LSP1: variants seen among roughly 807,000 people sequenced by gnomAD.
LSP1 encodes lymphocyte specific protein 1.
Under a neutral mutation model 49.3 loss-of-function variants are expected in LSP1, and 32 were observed. The observed-to-expected ratio is 0.65, with a 90% CI of 0.49 to 0.87. The LOEUF is 0.87. Ranked by LOEUF, LSP1 falls within the 40% of genes least tolerant of loss-of-function variation. LSP1 has a pLI of 0.00. For missense variants in LSP1, 428 were observed against 442.6 expected (o/e 0.97, Z 0.30); for synonymous variants, 179 against 178.8 (o/e 1.00, Z -0.01).
intron 1 of LSP1, among the ~76,000 whole-genome samples, chr11:1,855,671 C>T (rs1285474474): frequency 6.6e-6 from 1 of 152,246 alleles, no homozygotes; most frequent in Non-Finnish European, 1.5e-5. Context: ...ACCAGCCAGG[C>T]TGGACTGCGG....
intron 1 of LSP1, among the ~76,000 whole-genome samples, chr11:1,877,776 G>A (rs1249527146): frequency 6.6e-6 from 1 of 152,218 alleles, no homozygotes; most frequent in African/African-American, 2.4e-5. Flanking sequence ...GCGTGGGCTC[G>A]TGGAGAACGT....
At position 1,887,220 on chromosome 11, in the gene LSP1, C is replaced by A. The variant is rs1212653602; in HGVS notation, c.853-17C>A. On this transcript the variant is annotated splice_polypyrimidine_tract_variant and intron_variant, in intron 8 of 10. Coordinates refer to ENST00000311604, the MANE Select transcript of LSP1 (RefSeq NM_002339.3). Reference sequence around the variant, plus strand: ...CCAGGGGTCTGCCCTTGTGACATACCCTTCTGCTGCCCCCAGGATATTGTG... The same window carrying A: ...CCAGGGGTCTGCCCTTGTGACATACACTTCTGCTGCCCCCAGGATATTGTG... 3 of 1,501,712 alleles carry A rather than the reference C, an allele frequency of 2.0e-6. No homozygotes were observed. Among genetic ancestry groups the A allele is most frequent in the Non-Finnish European group, 1.8e-6 (2 of 1,095,690 alleles). The allele number at this position is 1,501,712 out of a possible 1,614,324, so 93.0% of individuals were successfully genotyped here. A position where few individuals can be genotyped will look rare whatever the true frequency, so the allele number is the denominator to read the frequency against.
intron 10 of LSP1, chr11:1,889,380 T>G: frequency 4.3e-6 from 3 of 705,502 alleles, no homozygotes; most frequent in Non-Finnish European, 7.9e-6. Flanking sequence ...CAGCACGGCA[T>G]CCCACATCCT....
In LSP1 at chr11:1,853,194, TG is replaced by T; in HGVS notation, c.53+1del. Reference sequence around the variant, plus strand: ...GGTGCCGAGGAGCGGGAAGAGTTGCTGGGGTAAGGGTCTGCGGCGACGCCCG... The same window carrying T: ...GGTGCCGAGGAGCGGGAAGAGTTGCTGGGTAAGGGTCTGCGGCGACGCCCG... ...DPGAEEREEL[L>X]GPTAQWSVED... On this transcript the variant is annotated frameshift_variant and splice_region_variant, in exon 1 of 11. Coordinates refer to ENST00000311604, the MANE Select transcript of LSP1 (RefSeq NM_002339.3). LOFTEE classifies it high-confidence loss of function. 1 of 1,610,550 alleles carries T rather than the reference TG, an allele frequency of 6.2e-7. No individual in the cohort carries two copies. Among genetic ancestry groups the T allele is most frequent in the Non-Finnish European group, 8.5e-7 (1 of 1,179,302 alleles).
At chr11:1,871,209 G>T (rs370841098) in intron 1 of LSP1, 34 of 986,224 alleles carry the variant, frequency 3.4e-5, no homozygotes, top group African/African-American at 7.0e-5. Context: ...ACAGGAGGAG[G>T]GGGGAAGAAA....
chr11:1,866,050 C>G (rs1847779387), intron 1 of LSP1, among the ~76,000 whole-genome samples: 1 of 152,036 alleles, frequency 6.6e-6, no homozygotes, highest in African/African-American at 2.4e-5. Flanking sequence ...TTTGGAGGGC[C>G]CAAGGCTCCT....
chr11:1,890,819 C>T (rs749885256), intron 10 of LSP1: 33 of 571,978 alleles, frequency 5.8e-5, no homozygotes, highest in Non-Finnish European at 8.1e-5. Context: ...CCACAGAGGC[C>T]GAGTCCCTCC....
In LSP1 at chr11:1,880,244, G is replaced by T. The variant is rs772062445; in HGVS notation, c.191+20G>T. The T allele has an allele frequency of 6.4e-7, 1 of 1,562,664 alleles. No individual in the cohort carries two copies. Among genetic ancestry groups the T allele is most frequent in the Non-Finnish European group, 8.7e-7 (1 of 1,151,404 alleles). ...GATGCTGTGAGCAGCCCCATAACGC[G>T]TGCCTGGGCTCTAGCCCCTATCCGT... On this transcript the variant is annotated intron_variant, in intron 2 of 10. Coordinates refer to ENST00000311604, the MANE Select transcript of LSP1 (RefSeq NM_002339.3).
intron 1 of LSP1, among the ~76,000 whole-genome samples, chr11:1,872,891 G>A (rs1848103617): frequency 6.6e-6 from 1 of 152,104 alleles, no homozygotes; most frequent in South Asian, 2.1e-4. Flanking sequence ...GCAGCACTGG[G>A]TGGGTCATGA....
chr11:1,853,900 C>T (rs1847423142), intron 1 of LSP1, among the ~76,000 whole-genome samples: 1 of 152,156 alleles, frequency 6.6e-6, no homozygotes, highest in Non-Finnish European at 1.5e-5. Context: ...GGCAGCTGTA[C>T]TCTGTGGTAC....
chr11:1,866,813 C>T (rs1847806461), intron 1 of LSP1: 1 of 1,550,088 alleles, frequency 6.5e-7, no homozygotes, highest in Admixed American at 2.0e-5. Flanking sequence ...GGAGGAGGGG[C>T]AGAGCCCCTG....
intron 3 of LSP1, among the ~76,000 whole-genome samples, chr11:1,882,938 GT>G (rs1848605629): frequency 6.6e-6 from 1 of 152,180 alleles, no homozygotes; most frequent in South Asian, 2.1e-4. Context: ...CTGCTCCTCA[GT>G]GACCTGGCCC....
chr11:1,866,207 C>A (rs933129670), intron 1 of LSP1, among the ~76,000 whole-genome samples: 1 of 152,218 alleles, frequency 6.6e-6, no homozygotes, highest in African/African-American at 2.4e-5. Flanking sequence ...TGCCTTGCTT[C>A]TTCCTAACCT....
In LSP1 at chr11:1,884,851, A is replaced by G. The variant is rs541789744; in HGVS notation, c.717+270A>G. On this transcript the variant is annotated intron_variant, in intron 7 of 10. Coordinates refer to ENST00000311604, the MANE Select transcript of LSP1 (RefSeq NM_002339.3). The surrounding 1 kb of genome is among the most constrained non-coding windows in gnomAD (Gnocchi z 4.1). ...CATCCTATCAATGCTTCTGCATCCA[A>G]TTAATGTTCCTTTATACAACCAATA... 1.4e-3 allele frequency among the ~76,000 whole-genome samples: 217 copies of G among 151,908 alleles called. No homozygotes were observed. The highest frequency in any genetic ancestry group is 5.0e-3 in the African/African-American group (209 of 41,412).
At chr11:1,870,840 A>G in intron 1 of LSP1, 1 of 987,278 alleles carries the variant, frequency 1.0e-6, no homozygotes, top group Non-Finnish European at 1.2e-6. Context: ...TGCGTGTCCC[A>G]GAACGTGCCA....
intron 1 of LSP1, chr11:1,865,403 G>A (rs1847754083): frequency 5.0e-6 from 1 of 200,036 alleles, no homozygotes; most frequent in Admixed American, 6.5e-5. Context: ...GAGGGTGCCA[G>A]GCTGGTTGCG....
chr11:1,865,518 G>A (rs183307204), intron 1 of LSP1, among the ~76,000 whole-genome samples: 134 of 142,582 alleles, frequency 9.4e-4, no homozygotes, highest in Admixed American at 2.6e-3. Flanking sequence ...TGCCGGCTGC[G>A]CTGTCGCCTG....
At chr11:1,879,979 C>T in intron 1 of LSP1, 108 bp from the exon 2 acceptor site, 1 of 1,368,840 alleles carries the variant, frequency 7.3e-7, no homozygotes, top group African/African-American at 1.5e-5. Flanking sequence ...GTGGACAGGG[C>T]TGCCTGCACC....
At chr11:1,879,913 G>T in intron 1 of LSP1, 174 bp from the exon 2 acceptor site, 1 of 671,756 alleles carries the variant, frequency 1.5e-6, no homozygotes, top group African/African-American at 1.9e-5. Context: ...CACGTGGGCA[G>T]CCTCTATTTA....
Sources: gnomAD v4.1 joint callset for allele counts (sites outside exome capture counted in the v4.1 genomes callset) on GRCh38, gnomAD v4.1.1 for gene constraint, Gnocchi (gnomAD v3.1) non-coding constraint, MANE v1.5 for transcripts, NCBI Gene and HGNC (gene_info 2026-07-23, HGNC 2026-07-21) for gene names.